IGF2BP1: variants seen among roughly 807,000 people sequenced by gnomAD.
IGF2BP1 encodes insulin-like growth factor 2 mRNA-binding protein 1.
A neutral mutation model predicts 74.9 loss-of-function variants in IGF2BP1; 11 were observed. The observed-to-expected ratio is 0.15, with a 90% confidence interval of 0.09 to 0.24. The LOEUF (loss-of-function observed/expected upper bound fraction) is 0.24. Ranked by LOEUF, IGF2BP1 falls within the 10% of genes least tolerant of loss-of-function variation. The pLI is 1.00. For synonymous variants in IGF2BP1, 287 were observed against 281.8 expected (o/e 1.02, Z -0.18); for missense variants, 440 against 757.4 (o/e 0.58, Z 4.92).
rs2144083132 is a variant in IGF2BP1 at position 49,031,922 on chromosome 17, G to A, written c.350G>A (p.Ser117Asn). 6.2e-7 allele frequency: 1 copy of A among 1,613,784 alleles called. No homozygotes were observed. Among genetic ancestry groups the A allele is most frequent in the East Asian group, 2.2e-5 (1 of 44,858 alleles). Residue 117 changes from serine to asparagine, a missense_variant, in exon 5 of 15, where the codon AGT becomes AAT. This residue lies in a region of IGF2BP1 where 105 missense variants were observed against 199.4 expected (regional missense o/e 0.53). Transcript: ENST00000290341. Reference protein sequence around the residue: ...VENCEQVNTESETAVVNVTYS... With the variant: ...VENCEQVNTENETAVVNVTYS... ...CTTTTCTCTGCAGTGAACACCGAGA[G>A]TGAGACGGCAGTGGTGAATGTCACC...
chr17:49,031,383 G>T lies in IGF2BP1; in HGVS notation c.338-527G>T, dbSNP rs189537061. ...CTCCCAAAGTCCTGGGATTATAGGC[G>T]TGAGGTACCATGCTCTGCCTGGTAA... On this transcript the variant is annotated intron_variant, in intron 4 of 14. Transcript: ENST00000290341. Among the ~76,000 whole-genome samples, 3 of 152,042 alleles carry T rather than the reference G, an allele frequency of 2.0e-5. No homozygotes were observed. In the South Asian group the frequency reaches 6.2e-4, roughly 31 times the overall value.
chr17:49,019,923 T>TACACAC (rs1334409095), intron 2 of IGF2BP1, among the ~76,000 whole-genome samples: 1 of 58,038 alleles, frequency 1.7e-5, no homozygotes, highest in African/African-American at 9.9e-5. Context: ...TATATATATA[T>TACACAC]ATATATATAT....
chr17:49,013,775 C>T (rs1355413207), intron 2 of IGF2BP1: 4 of 152,340 alleles, frequency 2.6e-5, no homozygotes, highest in African/African-American at 9.6e-5. Flanking sequence ...TCCTGGGCCC[C>T]ACCCCCACCC....
intron 6 of IGF2BP1, 114 bp from the exon 7 acceptor site, chr17:49,039,843 G>A (rs1460068162): frequency 4.4e-6 from 5 of 1,129,730 alleles, no homozygotes; most frequent in Non-Finnish European, 6.4e-6. Flanking sequence ...GATTGTCCTT[G>A]TTTCAAGAAG....
intron 2 of IGF2BP1, among the ~76,000 whole-genome samples, chr17:49,007,300 A>G (rs539290642): frequency 6.6e-6 from 1 of 152,262 alleles, no homozygotes; most frequent in South Asian, 2.1e-4. Flanking sequence ...CTGCTTCTGT[A>G]GTGTCCTCAC....
At position 49,049,455 on chromosome 17, in the gene IGF2BP1, C is replaced by T; in HGVS notation, c.*11C>T. Reference sequence around the variant, plus strand: ...GCACGGAGGAAGTGACCAGCCCCTCCCTGTCCCTTCGAGTCCAGGACAACA... The same window carrying T: ...GCACGGAGGAAGTGACCAGCCCCTCTCTGTCCCTTCGAGTCCAGGACAACA... On this transcript the variant is annotated 3_prime_UTR_variant, in exon 15 of 15. Transcript: ENST00000290341. 6.2e-7 allele frequency: 1 copy of T among 1,611,274 alleles called. No individual in the cohort carries two copies. The highest frequency in any genetic ancestry group is 8.5e-7 in the Non-Finnish European group (1 of 1,177,532).
At chr17:49,036,576 G>A (rs2041991472) in intron 5 of IGF2BP1, 1 of 152,138 alleles carries the variant, frequency 6.6e-6, no homozygotes, top group Non-Finnish European at 1.5e-5. Flanking sequence ...CTCAATTGCT[G>A]CTTCAACACC....
intron 2 of IGF2BP1, among the ~76,000 whole-genome samples, chr17:49,023,920 CTT>C (rs34560426): frequency 1.4e-4 from 20 of 138,316 alleles, no homozygotes; most frequent in Non-Finnish European, 1.6e-4. Flanking sequence ...GGAAAACTAC[CTT>C]TTTTTTTTTT....
chr17:49,043,419 C>G lies in IGF2BP1; in HGVS notation c.1078-9C>G, dbSNP rs1159737582. On this transcript the variant is annotated splice_polypyrimidine_tract_variant and intron_variant, in intron 9 of 14. Transcript: ENST00000290341. ...GTGCTGACTCTTCCTCCTCATCTTT[C>G]TTCCCCAGCTGCAGTCTCACCTGAT... 6.2e-7 allele frequency: 1 copy of G among 1,613,680 alleles called. No homozygotes were observed. Among genetic ancestry groups the G allele is most frequent in the African/African-American group, 1.3e-5 (1 of 75,034 alleles).
intron 2 of IGF2BP1, among the ~76,000 whole-genome samples, chr17:49,008,115 T>C (rs544017207): frequency 6.7e-6 from 1 of 149,036 alleles, no homozygotes; most frequent in Non-Finnish European, 1.5e-5. Context: ...GAGGTTACAG[T>C]GAGCAGAGAT....
intron 14 of IGF2BP1, 51 bp from the exon 15 acceptor site, chr17:49,049,301 G>T: frequency 6.6e-7 from 1 of 1,514,428 alleles, no homozygotes; most frequent in Non-Finnish European, 9.2e-7. Flanking sequence ...TCCGTGGAAG[G>T]CTGTCTCCTT....
At position 48,999,134 on chromosome 17, in the gene IGF2BP1, CT is replaced by C; in HGVS notation, c.203del (p.Leu68Ter). 2 of 1,493,102 alleles carry C rather than the reference CT, an allele frequency of 1.3e-6. No homozygotes were observed. Among genetic ancestry groups the C allele is most frequent in the Non-Finnish European group, 1.8e-6 (2 of 1,107,920 alleles). The allele number at this position is 1,493,102 out of a possible 1,614,324, so 92.5% of individuals were successfully genotyped here. Reference protein sequence around the residue: ...SGKVELQGKRLEIEHSVPKKQ... With the variant: ...SGKVELQGKRXEIEHSVPKKQ... Reference sequence around the variant, plus strand: ...GGAAAGTAGAATTACAAGGAAAACGCTTAGAGATTGAACATTCGGTGCCCAA... The same window carrying C: ...GGAAAGTAGAATTACAAGGAAAACGCTAGAGATTGAACATTCGGTGCCCAA... On this transcript the variant is annotated frameshift_variant, in exon 2 of 15. Coordinates refer to ENST00000290341, the MANE Select transcript of IGF2BP1 (RefSeq NM_006546.4). LOFTEE classifies it high-confidence loss of function.
intron 2 of IGF2BP1, chr17:49,004,497 C>A (rs2041524893): frequency 6.6e-6 from 1 of 152,228 alleles, no homozygotes; most frequent in African/African-American, 2.4e-5. Context: ...TCCTCTCTCC[C>A]AGTAGCTGGG....
At chr17:49,023,761 G>A (rs1414699007) in intron 2 of IGF2BP1, among the ~76,000 whole-genome samples, 2 of 152,134 alleles carry the variant, frequency 1.3e-5, no homozygotes, top group African/African-American at 4.8e-5. Flanking sequence ...TGGACTAAGA[G>A]TTTATGATCA....
chr17:49,007,508 G>C (rs976432507), intron 2 of IGF2BP1, among the ~76,000 whole-genome samples: 9 of 152,204 alleles, frequency 5.9e-5, no homozygotes, highest in African/African-American at 2.2e-4. Flanking sequence ...CTTCTTACTG[G>C]GATGGGGAGG....
Position 48,997,708 on chromosome 17 carries a change from C to T in IGF2BP1, c.-38C>T. 1 of 1,600,084 alleles carries T rather than the reference C, an allele frequency of 6.2e-7. No homozygotes were observed. Among genetic ancestry groups the T allele is most frequent in the Non-Finnish European group, 8.5e-7 (1 of 1,172,354 alleles). On this transcript the variant is annotated 5_prime_UTR_variant, in exon 1 of 15. Transcript: ENST00000290341. This position sits in a 1 kb window ranked among gnomAD's most constrained non-coding sequence, Gnocchi z 4.8. ...TCGCCGCCCGCGCCCGCTCGTTCGG[C>T]CTTGCCCGGGACCGCGTCCTGCCCC...
intron 2 of IGF2BP1, among the ~76,000 whole-genome samples, chr17:49,001,790 A>G (rs1173716465): frequency 6.6e-6 from 1 of 152,120 alleles, no homozygotes; most frequent in Non-Finnish European, 1.5e-5. Context: ...GCATTTAAAA[A>G]CAGTTGTGGA....
intron 2 of IGF2BP1, among the ~76,000 whole-genome samples, chr17:49,011,164 A>C (rs796643710): frequency 1.1e-4 from 14 of 132,416 alleles, no homozygotes; most frequent in Admixed American, 1.5e-4. Flanking sequence ...AAAAAAAAAA[A>C]AAACAAACCC....
chr17:49,030,781 C>G (rs1205685318), intron 4 of IGF2BP1, among the ~76,000 whole-genome samples: 1 of 152,070 alleles, frequency 6.6e-6, no homozygotes, highest in Non-Finnish European at 1.5e-5. Context: ...CGCATGCCAG[C>G]ACACCCAGCT....
Sources: allele counts gnomAD v4.1 joint callset (sites outside exome capture counted in the v4.1 genomes callset), GRCh38; gene constraint gnomAD v4.1.1; regional missense constraint gnomAD v4.1.1; non-coding constraint Gnocchi (gnomAD v3.1); transcripts MANE v1.5; gene names NCBI Gene and HGNC (gene_info 2026-07-23, HGNC 2026-07-21).